Variants in ASXL1 observed in about 807,000 individuals in gnomAD.
ASXL1 encodes the protein ASXL transcriptional regulator 1, also known as polycomb group protein ASXL1.
A neutral mutation model predicts 89.1 loss-of-function variants in ASXL1; 65 were observed. That is an observed-to-expected ratio of 0.73 (90% confidence interval 0.60 to 0.90). The LOEUF is 0.90. ASXL1 is among the 40% of genes least tolerant of loss of function. The pLI is 0.00. For missense variants in ASXL1, 1,786 were observed against 1,942.9 expected, an observed-to-expected ratio of 0.92 and a Z score of 1.52; for synonymous variants, 739 against 746.9, an observed-to-expected ratio of 0.99 and a Z score of 0.17.
rs150977407 is a variant in ASXL1 at position 32,436,400 on chromosome 20, G to T, written c.3688G>T (p.Asp1230Tyr). The change falls in exon 13 of 13, where the codon GAT (aspartate) becomes TAT (tyrosine). Residue 1230 changes from aspartate to tyrosine, a missense_variant. Physicochemically the swap from Asp to Tyr is radical, Grantham distance 160. This residue lies in a region of ASXL1 where 1,418 missense variants were observed against 1,427.8 expected (regional missense o/e 0.99). Coordinates refer to ENST00000375687, the MANE Select transcript of ASXL1 (RefSeq NM_015338.6). ...ATCCTCTAGGAAACTGGAAGAAATGGATTCCAAAGAGCAGTTCTCTTCCTT... is the reference window on the plus strand; with the variant it reads ...ATCCTCTAGGAAACTGGAAGAAATGTATTCCAAAGAGCAGTTCTCTTCCTT... ...ITSSRKLEEM[D>Y]SKEQFSSFSC... The T allele has an allele frequency of 2.9e-5, 46 of 1,613,668 alleles. No individual in the cohort carries two copies. The highest frequency in any genetic ancestry group is 2.5e-4 in the African/African-American group (19 of 74,932).
At chr20:32,394,347 A>G (rs1487887805) in intron 4 of ASXL1, among the ~76,000 whole-genome samples, 2 of 151,984 alleles carry the variant, frequency 1.3e-5, no homozygotes. Context: ...CATGTTGGCC[A>G]AGCAGGTCTC....
In ASXL1 at chr20:32,428,122, T is replaced by A; in HGVS notation, c.253-6T>A. The A allele has an allele frequency of 6.2e-7, 1 of 1,613,068 alleles. No homozygotes were observed. The highest frequency in any genetic ancestry group is 8.5e-7 in the Non-Finnish European group (1 of 1,180,022). On this transcript the variant is annotated splice_region_variant and splice_polypyrimidine_tract_variant and intron_variant, in intron 4 of 12. Transcript: ENST00000375687. ...TGTTCACCTGAGTTGTACCTTGCTG[T>A]CACAGAAGGATGCCCTGCAGTGGTC... is the stretch of plus-strand genomic sequence containing the variant.
chr20:32,433,409 G>T lies in ASXL1; in HGVS notation c.1211G>T (p.Arg404Leu). 6.2e-7 allele frequency: 1 copy of T among 1,614,188 alleles called. No individual in the cohort carries two copies. Among genetic ancestry groups the T allele is most frequent in the Non-Finnish European group, 8.5e-7 (1 of 1,180,026 alleles). Reference protein sequence around the residue: ...RIQRGPATRQRDGHFKKRSRP... With the variant: ...RIQRGPATRQLDGHFKKRSRP... ...CAGCGTGGTCCAGCCACCCGACAGC[G>T]AGATGGGCATTTTAAGAAACGCTCT... Residue 404 changes from arginine (R) to leucine (L), a missense_variant, in exon 12 of 13, where the codon CGA (arginine) becomes CTA (leucine). Arg to Leu is a moderately radical substitution (Grantham distance 102). Transcript: ENST00000375687.
In ASXL1 at chr20:32,431,464, C is replaced by G; in HGVS notation, c.862C>G (p.Leu288Val). 11 of 1,614,192 alleles carry G rather than the reference C, an allele frequency of 6.8e-6. No homozygotes were observed. Among genetic ancestry groups the G allele is most frequent in the Non-Finnish European group, 9.3e-6 (11 of 1,180,038 alleles). Reference sequence around the variant, plus strand: ...CTTCCAGCAGCAGCTCCTCTTCCTCCTGCCTGAAGTAGACAGACAGGTGCA... The same window carrying G: ...CTTCCAGCAGCAGCTCCTCTTCCTCGTGCCTGAAGTAGACAGACAGGTGCA... ...SHFQQQLLFL[L>V]PEVDRQVGTD... Residue 288 changes from leucine to valine, a missense_variant, in exon 9 of 13, where the codon CTG becomes GTG. By Grantham distance (32) the Leu-to-Val change is conservative. Transcript: ENST00000375687.
At chr20:32,420,281 T>C (rs1379113335) in intron 4 of ASXL1, among the ~76,000 whole-genome samples, 1 of 152,148 alleles carries the variant, frequency 6.6e-6, no homozygotes, top group Non-Finnish European at 1.5e-5. Flanking sequence ...ATAGTACTTA[T>C]TTTTTGCTCA....
At chr20:32,407,820 A>G (rs555642173) in intron 4 of ASXL1, among the ~76,000 whole-genome samples, 2 of 152,200 alleles carry the variant, frequency 1.3e-5, no homozygotes, top group South Asian at 4.2e-4. Context: ...GTTTTGAGGA[A>G]GTCTGTTTTA....
chr20:32,431,305 G>A lies in ASXL1; in HGVS notation c.719-16G>A. Reference sequence around the variant, plus strand: ...TTTAAAAAGCTGAAATCTATACCTTGCTTCAAAAATCATAGGTCAAATGAA... The same window carrying A: ...TTTAAAAAGCTGAAATCTATACCTTACTTCAAAAATCATAGGTCAAATGAA... On this transcript the variant is annotated splice_polypyrimidine_tract_variant and intron_variant, in intron 8 of 12. Coordinates refer to ENST00000375687, the MANE Select transcript of ASXL1 (RefSeq NM_015338.6). The A allele has an allele frequency of 6.2e-7, 1 of 1,614,168 alleles. No individual in the cohort carries two copies.
intron 4 of ASXL1, among the ~76,000 whole-genome samples, chr20:32,396,784 T>G (rs1241087370): frequency 6.6e-6 from 1 of 152,112 alleles, no homozygotes; most frequent in Non-Finnish European, 1.5e-5. Flanking sequence ...GAGCTCAAAC[T>G]CTCATTCTCT....
At chr20:32,361,124 T>TA (rs1237111563) in intron 1 of ASXL1, among the ~76,000 whole-genome samples, 1 of 152,162 alleles carries the variant, frequency 6.6e-6, no homozygotes, top group African/African-American at 2.4e-5. Context: ...TGAGGTGGAA[T>TA]AATCACTTGA....
chr20:32,369,077 G>A lies in ASXL1; in HGVS notation c.206G>A (p.Gly69Glu). Residue 69 changes from glycine (G) to glutamate (E), a missense_variant, in exon 4 of 13, where the codon GGG becomes GAG. Physicochemically the swap from Gly to Glu is moderately conservative, Grantham distance 98. Transcript: ENST00000375687. ...CATTCCAATTCAAGAGGAGGAGAGG[G>A]GTTGTTTTATAAACTGCCTGGCCGA... ...MLHSNSRGGE[G>E]LFYKLPGRIS... 1.9e-6 allele frequency: 3 copies of A among 1,614,034 alleles called. No individual in the cohort carries two copies. Among genetic ancestry groups the A allele is most frequent in the Non-Finnish European group, 2.5e-6 (3 of 1,179,986 alleles).
intron 4 of ASXL1, among the ~76,000 whole-genome samples, chr20:32,407,871 CTATT>C (rs1484042508): frequency 6.6e-6 from 1 of 152,170 alleles, no homozygotes; most frequent in African/African-American, 2.4e-5. Context: ...TTTTGCCTAT[CTATT>C]AATAGTGCAC....
At chr20:32,375,785 C>T (rs1008349415) in intron 4 of ASXL1, among the ~76,000 whole-genome samples, 5 of 151,794 alleles carry the variant, frequency 3.3e-5, no homozygotes, top group Non-Finnish European at 7.4e-5. Flanking sequence ...TGTGCTCAAG[C>T]AATCTTGTGC....
intron 4 of ASXL1, among the ~76,000 whole-genome samples, chr20:32,373,254 G>A (rs892774749): frequency 4.6e-5 from 7 of 151,910 alleles, no homozygotes; most frequent in African/African-American, 7.2e-5. Flanking sequence ...GTGCACGCCT[G>A]TAATCCTAGC....
In ASXL1 at chr20:32,436,693, T is replaced by G. The variant is rs745944060; in HGVS notation, c.3981T>G (p.Ala1327=). The stretch of plus-strand genomic sequence containing the variant: ...CTGCGGACCCGATGCCTCTTCCTGC[T>G]GAGATCCCTCCAGTTTTTCCCAGTG... ...PRPADPMPLP[A]EIPPVFPSGK... The change falls in exon 13 of 13, where the codon GCT becomes GCG. Residue 1327 remains alanine (A), a synonymous_variant. Coordinates refer to ENST00000375687, the MANE Select transcript of ASXL1 (RefSeq NM_015338.6). The G allele has an allele frequency of 1.9e-6, 3 of 1,614,030 alleles. No homozygotes were observed. Among genetic ancestry groups the G allele is most frequent in the Non-Finnish European group, 2.5e-6 (3 of 1,180,036 alleles).
chr20:32,423,555 T>G (rs371502453), intron 4 of ASXL1, among the ~76,000 whole-genome samples: 1 of 151,608 alleles, frequency 6.6e-6, no homozygotes, highest in Admixed American at 6.6e-5. Flanking sequence ...ATTTATTTAT[T>G]TATTTATGTA....
rs2123247561 is a variant in ASXL1, at chr20:32,432,912, C to T, written c.1012C>T (p.Arg338Ter). Residue 338 changes from arginine (R) to a stop codon, truncating the protein, a stop_gained, in exon 11 of 13, where the codon CGA becomes TGA. Coordinates refer to ENST00000375687, the MANE Select transcript of ASXL1 (RefSeq NM_015338.6). LOFTEE classifies it high-confidence loss of function. ...EFTHEMQVRI[R>*]QEMEKEKKVE... The stretch of plus-strand genomic sequence containing the variant: ...TACTCATGAGATGCAAGTCAGGATA[C>T]GACAGGAAATGGAGAAGGAAAAGAA... 1 of 1,613,610 alleles carries T rather than the reference C, an allele frequency of 6.2e-7. No individual in the cohort carries two copies. Among genetic ancestry groups the T allele is most frequent in the Non-Finnish European group, 8.5e-7 (1 of 1,179,910 alleles).
chr20:32,368,820 G>C (rs1442487730), intron 3 of ASXL1, among the ~76,000 whole-genome samples, 195 bp from the exon 4 acceptor site: 2 of 152,184 alleles, frequency 1.3e-5, no homozygotes, highest in East Asian at 3.8e-4. Flanking sequence ...GTTTATTCCA[G>C]AGTTTTCTGA....
intron 4 of ASXL1, chr20:32,371,795 G>A (rs2048305235): frequency 2.2e-6 from 1 of 449,564 alleles, no homozygotes; most frequent in Non-Finnish European, 4.5e-6. Context: ...GTCTTGCTAT[G>A]TTGGTTAAAC....
intron 4 of ASXL1, among the ~76,000 whole-genome samples, chr20:32,410,764 C>T (rs748461254): frequency 1.3e-5 from 2 of 152,050 alleles, no homozygotes; most frequent in Non-Finnish European, 2.9e-5. Flanking sequence ...TGCAGTAGCT[C>T]ACACCTGTAA....
Sources: allele counts gnomAD v4.1 joint callset (sites outside exome capture counted in the v4.1 genomes callset), GRCh38; gene constraint gnomAD v4.1.1; regional missense constraint gnomAD v4.1.1; transcripts MANE v1.5; gene names NCBI Gene and HGNC (gene_info 2026-07-23, HGNC 2026-07-21).